The following AKNA variants were observed in gnomAD, a reference collection of about 807,000 sequenced individuals.
The protein encoded by AKNA is microtubule organization protein AKNA.
In AKNA, 67 loss-of-function variants were observed where a neutral mutation model predicts 138.8. The ratio of observed to expected loss-of-function variants is 0.48; its 90% CI spans 0.40 to 0.59. The LOEUF (loss-of-function observed/expected upper bound fraction) is 0.59. Among genes scored for constraint, AKNA ranks in the 20% least tolerant of loss-of-function variants. The pLI, the probability that AKNA is intolerant of heterozygous loss-of-function variation, is 0.00. For synonymous variants in AKNA, 737 were observed against 754.4 expected, an observed-to-expected ratio of 0.98 and a Z score of 0.38; for missense variants, 1,813 against 1,880.4, an observed-to-expected ratio of 0.96 and a Z score of 0.66.
At chr9:114,380,248 T>C (rs1301242521) in intron 2 of AKNA, among the ~76,000 whole-genome samples, 1 of 152,152 alleles carries the variant, frequency 6.6e-6, no homozygotes. Flanking sequence ...CAAAGATATA[T>C]TAATGACATT....
At chr9:114,395,023 G>A (rs937715126), upstream of AKNA, among the ~76,000 whole-genome samples, 3 of 152,164 alleles carry the variant, frequency 2.0e-5, no homozygotes, top group Admixed American at 6.5e-5. Context: ...GGCGCAGAAG[G>A]TCTCACTCGG....
chr9:114,376,370 G>T, intron 3 of AKNA, 96 bp downstream of exon 3: 1 of 1,038,386 alleles, frequency 9.6e-7, no homozygotes. Flanking sequence ...CTCCACCCCA[G>T]CCAGCCTCTA....
chr9:114,389,935 TAGCCCCC>T (rs1346473280), upstream of AKNA, among the ~76,000 whole-genome samples: 2 of 152,082 alleles, frequency 1.3e-5, no homozygotes, highest in Non-Finnish European at 2.9e-5. Flanking sequence ...GCTCTCCCTG[TAGCCCCC>T]AGCCCCACAT....
chr9:114,379,677 T>TA (rs1833498319), intron 2 of AKNA, among the ~76,000 whole-genome samples: 2 of 152,322 alleles, frequency 1.3e-5, no homozygotes, highest in East Asian at 1.9e-4. Context: ...ATTCAGCTCT[T>TA]ACTATTCTCC....
At chr9:114,364,780 A>G (rs1318109996) in intron 6 of AKNA, among the ~76,000 whole-genome samples, 161 bp from the exon 7 acceptor site, 1 of 152,220 alleles carries the variant, frequency 6.6e-6, no homozygotes, top group Non-Finnish European at 1.5e-5. Flanking sequence ...AGCTTCTACC[A>G]CCAGCCCCAG....
downstream of AKNA, among the ~76,000 whole-genome samples, chr9:114,333,897 C>T (rs1177970629): frequency 1.3e-5 from 2 of 150,236 alleles, no homozygotes; most frequent in Non-Finnish European, 1.5e-5. Flanking sequence ...GTGTTGGAGG[C>T]GGGTCCTGCT....
chr9:114,340,583 A>C (rs1394178483), intron 21 of AKNA, among the ~76,000 whole-genome samples: 1 of 152,180 alleles, frequency 6.6e-6, no homozygotes, highest in Non-Finnish European at 1.5e-5. Flanking sequence ...CCTCACGCAC[A>C]GGATTAAGTA....
At chr9:114,344,697 T>C (rs1588947928) in intron 18 of AKNA, 1 of 152,934 alleles carries the variant, frequency 6.5e-6, no homozygotes, top group East Asian at 1.9e-4. Context: ...CTCATTGTGT[T>C]GGAAGCATTT....
chr9:114,330,510 C>G (rs767279368), downstream of AKNA: 1 of 1,612,022 alleles, frequency 6.2e-7, no homozygotes. Flanking sequence ...GAGATCCAAG[C>G]AACCTTCTTT....
chr9:114,371,839 G>A (rs756896293), intron 4 of AKNA, among the ~76,000 whole-genome samples: 6 of 152,120 alleles, frequency 3.9e-5, no homozygotes, highest in Non-Finnish European at 7.4e-5. Flanking sequence ...GAAATGGCTC[G>A]GTGGGTTCTG....
Position 114,358,049 on chromosome 9 carries a change from G to A in AKNA, c.2611C>T (p.Pro871Ser), listed in dbSNP as rs374836310. The A allele has an allele frequency of 9.3e-6, 15 of 1,611,118 alleles. No individual in the cohort carries two copies. Among genetic ancestry groups the A allele is most frequent in the Non-Finnish European group, 1.2e-5 (14 of 1,178,204 alleles). ...GACTTGGTGCCTGGAGGGTGGGGTG[G>A]CACGCCAGGGCCTGGAGGGGCTGCC... ...AEAAPPGPGV[P>S]PHPPGTKSAA... The change falls in exon 12 of 22, where the codon CCA becomes TCA. Residue 871 changes from proline to serine, a missense_variant. By Grantham distance (74) the Pro-to-Ser change is moderately conservative. Coordinates refer to ENST00000374088, the MANE Select transcript of AKNA (RefSeq NM_001317950.2).
At chr9:114,363,553 T>C (rs1007269823) in intron 7 of AKNA, among the ~76,000 whole-genome samples, 1 of 152,240 alleles carries the variant, frequency 6.6e-6, no homozygotes, top group Admixed American at 6.5e-5. Flanking sequence ...GTACATGACA[T>C]CTATGTAACC....
chr9:114,366,461 C>T (rs1002608540), intron 6 of AKNA, among the ~76,000 whole-genome samples: 4 of 152,076 alleles, frequency 2.6e-5, no homozygotes, highest in African/African-American at 9.6e-5. Flanking sequence ...GAAGAGCAGC[C>T]GACGGAGGCT....
At chr9:114,396,622 T>A (rs1051620530), upstream of AKNA, 1 of 150,112 alleles carries the variant, frequency 6.7e-6, no homozygotes, top group Non-Finnish European at 1.5e-5. Flanking sequence ...GATGTTCCCG[T>A]GAGCCGAGAT....
intron 14 of AKNA, among the ~76,000 whole-genome samples, chr9:114,352,643 C>A (rs1588963778): frequency 1.3e-5 from 2 of 151,366 alleles, no homozygotes; most frequent in Non-Finnish European, 2.9e-5. Context: ...AATGAACCAG[C>A]TGGGCGTGGT....
downstream of AKNA, chr9:114,330,549 C>A: frequency 6.2e-7 from 1 of 1,612,794 alleles, no homozygotes; most frequent in Non-Finnish European, 8.5e-7. Context: ...ACAGAGGACA[C>A]GATCTTTCTC....
intron 2 of AKNA, 123 bp downstream of exon 2, chr9:114,380,937 C>G: frequency 2.6e-6 from 3 of 1,147,770 alleles, no homozygotes; most frequent in Non-Finnish European, 3.4e-6. Context: ...GAGCCGAGAT[C>G]GTGCCACTGC....
At position 114,364,481 on chromosome 9, in the gene AKNA, A is replaced by G. The variant is rs1216508753; in HGVS notation, c.1788+79T>C. 63 of 1,474,426 alleles carry G rather than the reference A, an allele frequency of 4.3e-5. 1 individual carries two copies. The South Asian group carries it at 5.8e-4, about 14-fold the overall frequency. 91.3% of individuals were successfully genotyped at this position (1,474,426 alleles called of 1,614,324 possible). A position where few individuals can be genotyped will look rare whatever the true frequency, so the allele number is the denominator to read the frequency against. The stretch of plus-strand genomic sequence containing the variant: ...GGATTCTCTTTTCTGTCTTGCAGCA[A>G]AGAAGGCTTCAGAGACAGAGTCATG... On this transcript the variant is annotated intron_variant, in intron 7 of 21. Transcript: ENST00000374088.
At chr9:114,357,628 T>C (rs763338130) in intron 12 of AKNA, among the ~76,000 whole-genome samples, 6 of 152,212 alleles carry the variant, frequency 3.9e-5, no homozygotes, top group Non-Finnish European at 5.9e-5. Context: ...CAGTGATGTC[T>C]ACTCTAAAGA....
Sources: allele counts gnomAD v4.1 joint callset (sites outside exome capture counted in the v4.1 genomes callset), GRCh38; gene constraint gnomAD v4.1.1; transcripts MANE v1.5; gene names NCBI Gene and HGNC (gene_info 2026-07-23, HGNC 2026-07-21).